Variants in RALA observed in about 807,000 individuals in gnomAD.
The protein encoded by RALA is RAS like proto-oncogene A.
Under a neutral mutation model 24.0 loss-of-function variants are expected in RALA, and 5 were observed. The observed-to-expected ratio is 0.21, with a 90% confidence interval of 0.11 to 0.44. The LOEUF is 0.44. Among genes scored for constraint, RALA ranks in the 20% least tolerant of loss-of-function variants. The pLI, the probability that RALA is intolerant of heterozygous loss-of-function variation, is 0.99. For missense variants in RALA, 95 were observed against 241.2 expected (o/e 0.39, Z 4.01); for synonymous variants, 77 against 83.8 (o/e 0.92, Z 0.44).
chr7:39,670,831 T>C (rs1792368273), intron 1 of RALA, among the ~76,000 whole-genome samples: 1 of 152,208 alleles, frequency 6.6e-6, no homozygotes, highest in Admixed American at 6.5e-5. Flanking sequence ...CTGCTTATTC[T>C]TAAGCTACTC....
At chr7:39,657,859 T>C (rs1419940572) in intron 1 of RALA, among the ~76,000 whole-genome samples, 1 of 152,256 alleles carries the variant, frequency 6.6e-6, no homozygotes, top group East Asian at 1.9e-4. Context: ...TAAATATGAT[T>C]GTCTTTTAAT....
At chr7:39,680,129 G>A (rs1792563815) in intron 1 of RALA, among the ~76,000 whole-genome samples, 1 of 152,064 alleles carries the variant, frequency 6.6e-6, no homozygotes, top group African/African-American at 2.4e-5. Flanking sequence ...CAACACTTTG[G>A]GAGGCCAAGG....
At chr7:39,699,884 C>A (rs1346390094) in intron 4 of RALA, among the ~76,000 whole-genome samples, 2 of 152,148 alleles carry the variant, frequency 1.3e-5, no homozygotes, top group Non-Finnish European at 2.9e-5. Flanking sequence ...TTGAGCTGTG[C>A]AGATTTTTTT....
rs1304656002 is a variant in RALA at position 39,707,853 on chromosome 7, C to T, written c.*1608C>T. Reference sequence around the variant, plus strand: ...TCTTTCATTTCGTATTTCTCATAGGCTATGCCATGTGCGGAATTCAAGTTA... The same window carrying T: ...TCTTTCATTTCGTATTTCTCATAGGTTATGCCATGTGCGGAATTCAAGTTA... On this transcript the variant is annotated 3_prime_UTR_variant, in exon 5 of 5. Transcript: ENST00000005257. The T allele has an allele frequency of 2.0e-5, 3 of 152,618 alleles. No homozygotes were observed. Among genetic ancestry groups the T allele is most frequent in the Non-Finnish European group, 4.4e-5 (3 of 68,040 alleles). The allele number at this position is 152,618 out of a possible 1,614,324, so 9.5% of individuals were successfully genotyped here. A position where few individuals can be genotyped will look rare whatever the true frequency, so the allele number is the denominator to read the frequency against.
At position 39,630,023 on chromosome 7, in the gene RALA, C is replaced by T. The variant is rs570392852; in HGVS notation, c.-38+6198C>T. ...GGATTACAGGCGTGAGCCACCATGC[C>T]GAGCTTTCTTTTACTTTTTTTCTTT... On this transcript the variant is annotated intron_variant, in intron 1 of 4. Transcript: ENST00000005257. 4.6e-5 allele frequency among the ~76,000 whole-genome samples: 7 copies of T among 152,062 alleles called. No homozygotes were observed. The South Asian group carries it at 8.3e-4, about 18-fold the overall frequency.
At chr7:39,636,280 C>G (rs1170128876) in intron 1 of RALA, among the ~76,000 whole-genome samples, 2 of 152,160 alleles carry the variant, frequency 1.3e-5, no homozygotes, top group Non-Finnish European at 2.9e-5. Context: ...TTTTGAAGAC[C>G]AGCCAAACTT....
rs1291425414 is a variant in RALA at position 39,706,806 on chromosome 7, T to C, written c.*561T>C. 6.5e-6 allele frequency: 1 copy of C among 152,690 alleles called. No homozygotes were observed. Among genetic ancestry groups the C allele is most frequent in the Non-Finnish European group, 1.5e-5 (1 of 68,128 alleles). 9.5% of individuals were successfully genotyped at this position (152,690 alleles called of 1,614,324 possible). A position where few individuals can be genotyped will look rare whatever the true frequency, so the allele number is the denominator to read the frequency against. On this transcript the variant is annotated 3_prime_UTR_variant, in exon 5 of 5. Transcript: ENST00000005257. ...TTACCTGGTGAGTAACTTAGAAAAG[T>C]GGTGTAAACTTGTACATGGAATTTT...
intron 1 of RALA, among the ~76,000 whole-genome samples, chr7:39,637,411 A>G (rs1362935694): frequency 6.6e-6 from 1 of 152,248 alleles, no homozygotes; most frequent in Non-Finnish European, 1.5e-5. Context: ...ATTCTTTTGA[A>G]CACACCTGTA....
chr7:39,645,199 T>C (rs1791903396), intron 1 of RALA, among the ~76,000 whole-genome samples: 1 of 152,174 alleles, frequency 6.6e-6, no homozygotes, highest in African/African-American at 2.4e-5. Flanking sequence ...TATAAAGTAT[T>C]ATCACTTACA....
chr7:39,625,619 CT>C (rs1791471844), intron 1 of RALA, among the ~76,000 whole-genome samples: 1 of 152,190 alleles, frequency 6.6e-6, no homozygotes, highest in Non-Finnish European at 1.5e-5. Flanking sequence ...AGATGCTGTT[CT>C]CTAGTGTGTT....
At chr7:39,679,264 A>AT (rs1792542958) in intron 1 of RALA, among the ~76,000 whole-genome samples, 4 of 152,104 alleles carry the variant, frequency 2.6e-5, no homozygotes, top group African/African-American at 9.7e-5. Flanking sequence ...GACAGAAAAT[A>AT]TTTTAGGCTT....
At chr7:39,663,372 A>G (rs917847561) in intron 1 of RALA, among the ~76,000 whole-genome samples, 9 of 152,226 alleles carry the variant, frequency 5.9e-5, no homozygotes, top group South Asian at 2.1e-4. Flanking sequence ...TTCAAATGCC[A>G]TGTGACACTA....
In RALA at chr7:39,702,035, T is replaced by C. The variant is rs57828086; in HGVS notation, c.499-4088T>C. Among the ~76,000 whole-genome samples the C allele has an allele frequency of 5.3e-5, 8 of 152,326 alleles. No individual in the cohort carries two copies. In the East Asian group the frequency reaches 1.5e-3, roughly 29 times the overall value. ...TATTAACAGATGTCCAAAGGGGCAG[T>C]GTGATTTATTATGTCAAGAGAATCA... On this transcript the variant is annotated intron_variant, in intron 4 of 4. Coordinates refer to ENST00000005257, the MANE Select transcript of RALA (RefSeq NM_005402.4).
chr7:39,684,888 A>G (rs574050863), intron 1 of RALA, among the ~76,000 whole-genome samples: 1 of 152,296 alleles, frequency 6.6e-6, no homozygotes, highest in South Asian at 2.1e-4. Flanking sequence ...TCATTCATTC[A>G]TTCAATGCTT....
intron 1 of RALA, among the ~76,000 whole-genome samples, chr7:39,674,987 C>T (rs761976075): frequency 6.6e-5 from 10 of 151,996 alleles, no homozygotes; most frequent in Non-Finnish European, 1.3e-4. Context: ...CCACACCCCG[C>T]TAATTTTGTT....
At chr7:39,662,291 G>A (rs980510798) in intron 1 of RALA, among the ~76,000 whole-genome samples, 11 of 152,072 alleles carry the variant, frequency 7.2e-5, no homozygotes, top group South Asian at 2.1e-4. Flanking sequence ...ATTTTCCCCC[G>A]TTGTCTTGGT....
chr7:39,678,050 G>A (rs1295986120), intron 1 of RALA, among the ~76,000 whole-genome samples: 4 of 136,332 alleles, frequency 2.9e-5, no homozygotes, highest in African/African-American at 5.5e-5. Context: ...TGGTGGGGTC[G>A]GGGGAGGGGG....
At chr7:39,694,992 G>T (rs1039370179) in intron 3 of RALA, among the ~76,000 whole-genome samples, 1 of 151,782 alleles carries the variant, frequency 6.6e-6, no homozygotes, top group African/African-American at 2.4e-5. Context: ...CCAGGAGGTT[G>T]AGGCTGCAGT....
At chr7:39,670,588 A>C (rs779592682) in intron 1 of RALA, among the ~76,000 whole-genome samples, 2 of 152,254 alleles carry the variant, frequency 1.3e-5, no homozygotes, top group Non-Finnish European at 2.9e-5. Context: ...TAGCATAGGA[A>C]TATGGAAGCA....
Sources: allele counts gnomAD v4.1 joint callset (sites outside exome capture counted in the v4.1 genomes callset), GRCh38; gene constraint gnomAD v4.1.1; transcripts MANE v1.5; gene names NCBI Gene and HGNC (gene_info 2026-07-23, HGNC 2026-07-21).